ASB15: variants seen among roughly 807,000 people sequenced by gnomAD.
The protein encoded by ASB15 is ankyrin repeat and SOCS box protein 15.
A neutral mutation model predicts 58.0 loss-of-function variants in ASB15; 54 were observed. That is an observed-to-expected ratio of 0.93 (90% CI 0.75 to 1.17). The LOEUF (loss-of-function observed/expected upper bound fraction) is 1.17. Ranked by LOEUF, ASB15 falls within the 50% of genes most tolerant of loss-of-function variation. The probability of loss-of-function intolerance (pLI) is 0.00; values close to 1 mark genes in which losing one functional copy is unlikely to be tolerated. For missense variants in ASB15, 680 were observed against 707.4 expected, an observed-to-expected ratio of 0.96 and a Z score of 0.44; for synonymous variants, 249 against 262.4, an observed-to-expected ratio of 0.95 and a Z score of 0.50.
At chr7:123,568,594 C>T (rs1168002362) in intron 1 of ASB15, among the ~76,000 whole-genome samples, 1 of 152,006 alleles carries the variant, frequency 6.6e-6, no homozygotes, top group Middle Eastern at 3.4e-3. Flanking sequence ...CCACCTCACC[C>T]GTGCCATTTG....
intron 1 of ASB15, among the ~76,000 whole-genome samples, chr7:123,590,621 A>G (rs1418406437): frequency 2.6e-5 from 4 of 152,196 alleles, no homozygotes; most frequent in African/African-American, 9.7e-5. Flanking sequence ...GTCAAAGATC[A>G]GATGGTTATA....
Position 123,616,938 on chromosome 7 carries a change from A to G in ASB15, c.292+443A>G, listed in dbSNP as rs76549220. On this transcript the variant is annotated intron_variant, in intron 6 of 11. Coordinates refer to ENST00000451215, the MANE Select transcript of ASB15 (RefSeq NM_001290258.2). ...TCTTTACATTACATTGATTTTTTTCATAATGTAAGCATTAAAAAATATTAT... is the reference window on the plus strand; with the variant it reads ...TCTTTACATTACATTGATTTTTTTCGTAATGTAAGCATTAAAAAATATTAT... Among the ~76,000 whole-genome samples, 1,347 of 152,292 alleles carry G rather than the reference A, an allele frequency of 8.8e-3. 20 individuals carry two copies. The highest frequency in any genetic ancestry group is 0.03 in the African/African-American group (1,256 of 41,552).
intron 1 of ASB15, among the ~76,000 whole-genome samples, chr7:123,573,845 A>T (rs76277816): frequency 0.065 from 9,887 of 152,214 alleles, 352 homozygotes; most frequent in Non-Finnish European, 0.078. Context: ...GTTCTACAGA[A>T]ATGTTTATAT....
chr7:123,599,259 C>CA (rs200940515), upstream of ASB15, among the ~76,000 whole-genome samples: 1 of 151,650 alleles, frequency 6.6e-6, no homozygotes, highest in Admixed American at 6.6e-5. Context: ...AAAAGAATAC[C>CA]AAAAAAACAC....
intron 1 of ASB15, among the ~76,000 whole-genome samples, chr7:123,580,819 T>C (rs1799211452): frequency 6.6e-6 from 1 of 151,902 alleles, no homozygotes; most frequent in African/African-American, 2.4e-5. Context: ...AAAATCTAAA[T>C]AAACATAGCC....
intron 9 of ASB15, among the ~76,000 whole-genome samples, chr7:123,627,888 T>A (rs1211533027): frequency 6.6e-6 from 1 of 152,208 alleles, no homozygotes; most frequent in East Asian, 1.9e-4. Flanking sequence ...TAAATATATT[T>A]CATAAGCTCA....
At chr7:123,628,480 A>C (rs753573799) in intron 9 of ASB15, among the ~76,000 whole-genome samples, 26 of 152,204 alleles carry the variant, frequency 1.7e-4, no homozygotes, top group Non-Finnish European at 2.9e-4. Flanking sequence ...CAAGATTATG[A>C]AGCATTCCTC....
chr7:123,571,682 T>C (rs1489322232), intron 1 of ASB15, among the ~76,000 whole-genome samples: 1 of 152,200 alleles, frequency 6.6e-6, no homozygotes, highest in Non-Finnish European at 1.5e-5. Flanking sequence ...TAACCAGCAA[T>C]GTAAAAGAGA....
intron 1 of ASB15, among the ~76,000 whole-genome samples, chr7:123,568,246 C>G (rs1311204668): frequency 6.6e-6 from 1 of 152,154 alleles, no homozygotes; most frequent in Non-Finnish European, 1.5e-5. Flanking sequence ...GGCGCGGTGG[C>G]TCACGCCTGT....
At position 123,593,928 on chromosome 7, in the gene ASB15, G is replaced by C. The variant is rs1799620494; in HGVS notation, c.-442-10104G>C. The stretch of plus-strand genomic sequence containing the variant: ...CTTTCAGGTACACCAATCAAACATA[G>C]ATTTGGTCTTTTCACATAGTCCCAT... On this transcript the variant is annotated intron_variant, in intron 1 of 13. Coordinates refer to the ASB15 transcript ENST00000451558. 3.3e-5 allele frequency among the ~76,000 whole-genome samples: 5 copies of C among 152,252 alleles called. 1 individual carries two copies. The South Asian group carries it at 1.0e-3, about 32-fold the overall frequency.
At position 123,637,084 on chromosome 7, in the gene ASB15, T is replaced by C; in HGVS notation, c.*103T>C. On this transcript the variant is annotated 3_prime_UTR_variant, in exon 12 of 12. Coordinates refer to ENST00000451215, the MANE Select transcript of ASB15 (RefSeq NM_001290258.2). ...TCCTTAATTGTAAAGTGTATTTAAA[T>C]TCATTGACAGTTTTATAGGTTATCA... 2 of 805,718 alleles carry C rather than the reference T, an allele frequency of 2.5e-6. No homozygotes were observed. The highest frequency in any genetic ancestry group is 4.1e-5 in the South Asian group (2 of 49,104). 49.9% of individuals were successfully genotyped at this position (805,718 alleles called of 1,614,324 possible).
rs969704481 is a variant in ASB15 at position 123,638,553 on chromosome 7, C to T, written c.*1572C>T. ...GTCATTCAAGTTGAATGACTTTTAC[C>T]TTGAAAAGACCTCACACTGCTCTCA... On this transcript the variant is annotated 3_prime_UTR_variant, in exon 12 of 12. Coordinates refer to ENST00000451215, the MANE Select transcript of ASB15 (RefSeq NM_001290258.2). 1 of 152,048 alleles carries T rather than the reference C, an allele frequency of 6.6e-6. No individual in the cohort carries two copies. Among genetic ancestry groups the T allele is most frequent in the Non-Finnish European group, 1.5e-5 (1 of 68,002 alleles). The allele number at this position is 152,048 out of a possible 1,614,324, so 9.4% of individuals were successfully genotyped here.
rs544388480 is a variant in ASB15 at position 123,637,120 on chromosome 7, T to A, written c.*139T>A. 10 of 569,960 alleles carry A rather than the reference T, an allele frequency of 1.8e-5. No individual in the cohort carries two copies. Among genetic ancestry groups the A allele is most frequent in the African/African-American group, 1.5e-4 (8 of 52,106 alleles). 35.3% of individuals were successfully genotyped at this position (569,960 alleles called of 1,614,324 possible). A position where few individuals can be genotyped will look rare whatever the true frequency, so the allele number is the denominator to read the frequency against. On this transcript the variant is annotated 3_prime_UTR_variant, in exon 12 of 12. Coordinates refer to ENST00000451215, the MANE Select transcript of ASB15 (RefSeq NM_001290258.2). ...TTTTATAGGTTATCATGTGTTCTTA[T>A]GGGAACACCATGATTTATGTCTTTA...
At chr7:123,603,782 A>C (rs973540326) in intron 1 of ASB15, among the ~76,000 whole-genome samples, 1 of 152,216 alleles carries the variant, frequency 6.6e-6, no homozygotes, top group Non-Finnish European at 1.5e-5. Context: ...TCCTGCATAC[A>C]ATTGCACAGA....
chr7:123,627,396 T>G (rs1801867033), intron 9 of ASB15, 115 bp downstream of exon 9: 1 of 819,096 alleles, frequency 1.2e-6, no homozygotes, highest in Non-Finnish European at 1.7e-6. Context: ...ATAGGCATAA[T>G]CTTCAGGTTT....
upstream of ASB15, among the ~76,000 whole-genome samples, chr7:123,598,483 A>C (rs572859345): frequency 3.2e-4 from 48 of 152,344 alleles, no homozygotes; most frequent in Admixed American, 3.9e-4. Context: ...AGTGAAAATT[A>C]AGTACTTTGT....
At position 123,619,144 on chromosome 7, in the gene ASB15, T is replaced by C. The variant is rs373104938; in HGVS notation, c.451+1407T>C. ...TCAGTGAGCCGAGATCGCACCACTG[T>C]ACTCCAGCCTGGACGACAGAGAGAG... On this transcript the variant is annotated intron_variant, in intron 7 of 11. Transcript: ENST00000451215. Among the ~76,000 whole-genome samples, 146 of 128,826 alleles carry C rather than the reference T, an allele frequency of 1.1e-3. 1 individual carries two copies. Among genetic ancestry groups the C allele is most frequent in the East Asian group, 3.9e-3 (17 of 4,324 alleles). 84.5% of individuals were successfully genotyped at this position (128,826 alleles called of 152,430 possible).
intron 11 of ASB15, among the ~76,000 whole-genome samples, chr7:123,636,586 G>A (rs1174071425): frequency 1.3e-5 from 2 of 152,066 alleles, no homozygotes; most frequent in Non-Finnish European, 2.9e-5. Context: ...TCTCTTCCTG[G>A]CACAGAGACA....
At chr7:123,595,791 A>G (rs1799675957) in intron 1 of ASB15, among the ~76,000 whole-genome samples, 1 of 152,156 alleles carries the variant, frequency 6.6e-6, no homozygotes, top group Non-Finnish European at 1.5e-5. Flanking sequence ...ATCATTTCCC[A>G]CCCAAAGCCC....
Sources: allele counts gnomAD v4.1 joint callset (sites outside exome capture counted in the v4.1 genomes callset), GRCh38; gene constraint gnomAD v4.1.1; transcripts MANE v1.5; gene names NCBI Gene and HGNC (gene_info 2026-07-23, HGNC 2026-07-21).